Variants in CMSS1 observed in about 807,000 individuals in gnomAD.
CMSS1 encodes protein CMSS1.
Under a neutral mutation model 43.5 loss-of-function variants are expected in CMSS1, and 33 were observed. The observed-to-expected ratio is 0.76, with a 90% confidence interval of 0.57 to 1.01. The LOEUF is 1.01. Ranked by LOEUF, CMSS1 falls within the 50% of genes least tolerant of loss-of-function variation. CMSS1 has a pLI of 0.00. For synonymous variants in CMSS1, 115 were observed against 117.2 expected, an observed-to-expected ratio of 0.98 and a Z score of 0.12; for missense variants, 313 against 326.4, an observed-to-expected ratio of 0.96 and a Z score of 0.32.
At chr3:99,860,497 CTG>C (rs1178314757) in intron 1 of CMSS1, among the ~76,000 whole-genome samples, 4 of 152,142 alleles carry the variant, frequency 2.6e-5, no homozygotes, top group Non-Finnish European at 4.4e-5. Context: ...AGCAAAGTAA[CTG>C]AGAAAAAGGG....
Position 100,015,425 on chromosome 3 carries a change from A to AT in CMSS1, c.65-131546dup, listed in dbSNP as rs539655231. On this transcript the variant is annotated intron_variant, in intron 1 of 9. Coordinates refer to ENST00000421999, the MANE Select transcript of CMSS1 (RefSeq NM_032359.4). The stretch of plus-strand genomic sequence containing the variant: ...TTTTTCTATTTCTGTGAAAAATCTC[A>AT]TTAGAATTTTGATAGGTATTGCATT... Among the ~76,000 whole-genome samples, 706 of 152,318 alleles carry AT rather than the reference A, an allele frequency of 4.6e-3. 2 individuals carry two copies. Among genetic ancestry groups the AT allele is most frequent in the South Asian group, 7.0e-3 (34 of 4,824 alleles).
At chr3:99,848,286 A>C (rs1559654828) in intron 1 of CMSS1, 1 of 1,613,780 alleles carries the variant, frequency 6.2e-7, no homozygotes, top group African/African-American at 1.3e-5. Flanking sequence ...AGTTATATAT[A>C]TTACTTACTG....
chr3:100,043,144 A>G (rs2065231645), intron 1 of CMSS1, among the ~76,000 whole-genome samples: 1 of 152,224 alleles, frequency 6.6e-6, no homozygotes, highest in South Asian at 2.1e-4. Flanking sequence ...CAAATTGACA[A>G]GAAGTACTCC....
At chr3:99,987,629 A>G (rs559752880) in intron 1 of CMSS1, among the ~76,000 whole-genome samples, 91 of 152,286 alleles carry the variant, frequency 6.0e-4, no homozygotes, top group Admixed American at 5.9e-3. Context: ...TTATTAAAAT[A>G]GAAAGCCACA....
chr3:99,983,506 A>ATG (rs1709232507), intron 1 of CMSS1, among the ~76,000 whole-genome samples: 1 of 97,852 alleles, frequency 1.0e-5, no homozygotes, highest in Non-Finnish European at 2.1e-5. Flanking sequence ...ATATATATAT[A>ATG]TATGTATATA....
At chr3:99,892,217 G>A (rs1706105018) in intron 1 of CMSS1, among the ~76,000 whole-genome samples, 1 of 152,150 alleles carries the variant, frequency 6.6e-6, no homozygotes, top group Non-Finnish European at 1.5e-5. Context: ...TTTTCATAGT[G>A]CACTAGGCAA....
intron 1 of CMSS1, among the ~76,000 whole-genome samples, chr3:99,860,169 T>C (rs557501661): frequency 6.6e-6 from 1 of 152,316 alleles, no homozygotes; most frequent in African/African-American, 2.4e-5. Flanking sequence ...GGGTTAATAC[T>C]ATTTTCCTTC....
chr3:100,066,666 G>A (rs1411387880), intron 1 of CMSS1, among the ~76,000 whole-genome samples: 2 of 130,366 alleles, frequency 1.5e-5, no homozygotes. Flanking sequence ...CAAGTAGCTG[G>A]GACTACAGGC....
At chr3:99,826,698 G>T (rs1218294859) in intron 1 of CMSS1, among the ~76,000 whole-genome samples, 2 of 152,072 alleles carry the variant, frequency 1.3e-5, no homozygotes, top group Non-Finnish European at 2.9e-5. Context: ...TAGTTACTCC[G>T]TTACTTAGTA....
At position 100,021,960 on chromosome 3, in the gene CMSS1, T is replaced by TGTGTGTGA. The variant is rs1321185364; in HGVS notation, c.65-125012_65-125011insTGTGTGAG. Reference sequence around the variant, plus strand: ...GTGTGTGTGTGTGTGTGTGTGTGTGTGAGAGAGAGAGAGAGAGAGAGAGAG... The same window carrying TGTGTGTGA: ...GTGTGTGTGTGTGTGTGTGTGTGTGTGTGTGTGAGAGAGAGAGAGAGAGAGAGAGAGAG... On this transcript the variant is annotated intron_variant, in intron 1 of 9. Transcript: ENST00000421999. Among the ~76,000 whole-genome samples the TGTGTGTGA allele has an allele frequency of 2.3e-3, 212 of 93,302 alleles. 1 individual carries two copies. Among genetic ancestry groups the TGTGTGTGA allele is most frequent in the African/African-American group, 6.8e-3 (168 of 24,852 alleles). The allele number at this position is 93,302 out of a possible 152,430, so 61.2% of individuals were successfully genotyped here. A position where few individuals can be genotyped will look rare whatever the true frequency, so the allele number is the denominator to read the frequency against.
intron 6 of CMSS1, among the ~76,000 whole-genome samples, chr3:100,168,711 T>C (rs1432999847): frequency 6.6e-6 from 1 of 151,204 alleles, no homozygotes; most frequent in Non-Finnish European, 1.5e-5. Flanking sequence ...TTTCACACAT[T>C]CCTAGTAAAA....
At chr3:100,030,390 A>G (rs1417446105) in intron 1 of CMSS1, among the ~76,000 whole-genome samples, 1 of 152,106 alleles carries the variant, frequency 6.6e-6, no homozygotes, top group Non-Finnish European at 1.5e-5. Context: ...ATTGTCCTCT[A>G]AGAGCTTTTC....
chr3:99,827,785 A>G (rs972457718), intron 1 of CMSS1, among the ~76,000 whole-genome samples: 13 of 152,060 alleles, frequency 8.5e-5, no homozygotes, highest in Admixed American at 6.5e-4. Context: ...TTGCATTTTT[A>G]GTAGAGACGA....
chr3:100,030,330 A>G (rs1244436852), intron 1 of CMSS1, among the ~76,000 whole-genome samples: 1 of 152,178 alleles, frequency 6.6e-6, no homozygotes, highest in East Asian at 1.9e-4. Flanking sequence ...AAAACTAGAC[A>G]GTGGCTCCCT....
intron 4 of CMSS1, 132 bp from the exon 5 acceptor site, chr3:100,166,203 A>G (rs1186357043): frequency 1.7e-6 from 1 of 594,122 alleles, no homozygotes; most frequent in African/African-American, 1.9e-5. Context: ...GCAACACTTT[A>G]AGATATAAAA....
At chr3:99,957,693 CTTTTTTTTTTTTTTT>C (rs779350496) in intron 1 of CMSS1, among the ~76,000 whole-genome samples, 766 of 19,940 alleles carry the variant, frequency 0.038, 29 homozygotes, top group African/African-American at 0.08. Context: ...TTCTTTCTTT[CTTTTTTTTTTTTTTT>C]TTTTTTTTTT....
intron 4 of CMSS1, 113 bp from the exon 5 acceptor site, chr3:100,166,222 C>T: frequency 1.5e-6 from 1 of 658,034 alleles, no homozygotes; most frequent in East Asian, 2.6e-5. Context: ...AATGGGCCCC[C>T]AATTCACTAA....
At chr3:99,983,464 G>GTATGTGTATA (rs1709219766) in intron 1 of CMSS1, among the ~76,000 whole-genome samples, 7 of 12,686 alleles carry the variant, frequency 5.5e-4, no homozygotes, top group Non-Finnish European at 1.0e-3. Flanking sequence ...ATATATGTGT[G>GTATGTGTATA]TATATATATA....
At chr3:100,155,820 T>C in intron 2 of CMSS1, among the ~76,000 whole-genome samples, 1 of 152,238 alleles carries the variant, frequency 6.6e-6, no homozygotes, top group East Asian at 1.9e-4. Context: ...GAAAGCATCA[T>C]TCCATTAAGT....
Sources: gnomAD v4.1 joint callset for allele counts (sites outside exome capture counted in the v4.1 genomes callset) on GRCh38, gnomAD v4.1.1 for gene constraint, MANE v1.5 for transcripts, NCBI Gene and HGNC (gene_info 2026-07-23, HGNC 2026-07-21) for gene names.